The following SAMMSON variants were observed in gnomAD, a reference collection of about 807,000 sequenced individuals.
SAMMSON encodes the protein survival associated mitochondrial melanoma specific oncogenic non-coding RNA.
In SAMMSON at chr3:70,360,409, A is replaced by G. The variant is rs553047347; in HGVS notation, n.913+2085A>G. ...TAATTCTTTTGCAGTAAAAGCTGATAACTATACAAGTAAGTCACTTTTCCT... is the reference window on the plus strand; with the variant it reads ...TAATTCTTTTGCAGTAAAAGCTGATGACTATACAAGTAAGTCACTTTTCCT... On this transcript the variant is annotated intron_variant and non_coding_transcript_variant, in intron 9 of 9. Transcript: ENST00000642114. Among the ~76,000 whole-genome samples the G allele has an allele frequency of 2.2e-4, 34 of 152,282 alleles. 1 individual carries two copies. The South Asian group carries it at 6.6e-3, about 30-fold the overall frequency.
intron 4 of SAMMSON, among the ~76,000 whole-genome samples, chr3:70,086,363 G>T (rs2067285605): frequency 6.6e-6 from 1 of 152,070 alleles, no homozygotes; most frequent in African/African-American, 2.4e-5. Flanking sequence ...GACGAATTTG[G>T]GTATTTTCAA....
At chr3:69,999,667 A>T (rs1294675659), upstream of SAMMSON, 1 of 152,270 alleles carries the variant, frequency 6.6e-6, no homozygotes, top group Non-Finnish European at 1.5e-5. Context: ...TGTATTTTCC[A>T]AGCCTACCCT....
intron 3 of SAMMSON, among the ~76,000 whole-genome samples, chr3:70,051,524 C>T (rs1455334879): frequency 6.7e-6 from 1 of 150,270 alleles, no homozygotes; most frequent in Non-Finnish European, 1.5e-5. Flanking sequence ...AACATCCATA[C>T]AATGAAATAT....
chr3:70,232,098 T>C (rs1357366797), intron 4 of SAMMSON, among the ~76,000 whole-genome samples: 3 of 152,144 alleles, frequency 2.0e-5, no homozygotes, highest in African/African-American at 7.2e-5. Flanking sequence ...TTCCAAGTGC[T>C]GAGGCTGACA....
At chr3:70,290,123 G>A (rs1293370911) in intron 6 of SAMMSON, among the ~76,000 whole-genome samples, 1 of 152,046 alleles carries the variant, frequency 6.6e-6, no homozygotes, top group East Asian at 1.9e-4. Context: ...TCCTTTGTAG[G>A]AGGAGAGGCG....
rs2066908675 is a variant in SAMMSON at position 70,002,209 on chromosome 3, G to C, written n.22+2342G>C. Among the ~76,000 whole-genome samples, 4 of 152,156 alleles carry C rather than the reference G, an allele frequency of 2.6e-5. No individual in the cohort carries two copies. The South Asian group carries it at 8.3e-4, about 32-fold the overall frequency. On this transcript the variant is annotated intron_variant and non_coding_transcript_variant, in intron 1 of 9. Transcript: ENST00000642114. The stretch of plus-strand genomic sequence containing the variant: ...TGCATATCCACCTTTGGACAGATGT[G>C]TGAATGTGTTTTGTAGAAATACATT...
At chr3:70,064,706 C>T (rs941793869) in intron 3 of SAMMSON, among the ~76,000 whole-genome samples, 2 of 152,120 alleles carry the variant, frequency 1.3e-5, no homozygotes, top group African/African-American at 4.8e-5. Flanking sequence ...AGGCACAAAA[C>T]ATGCCAAGAA....
intron 6 of SAMMSON, among the ~76,000 whole-genome samples, chr3:70,250,689 A>G (rs1403203756): frequency 6.6e-6 from 1 of 152,172 alleles, no homozygotes; most frequent in African/African-American, 2.4e-5. Flanking sequence ...AACACTTCAA[A>G]TACTAATATC....
intron 4 of SAMMSON, among the ~76,000 whole-genome samples, chr3:70,247,569 G>A (rs1701719127): frequency 6.6e-6 from 1 of 151,644 alleles, no homozygotes; most frequent in Non-Finnish European, 1.5e-5. Context: ...ACATATCAAT[G>A]CCACAACTCA....
At chr3:70,018,257 C>G (rs2066995782) in intron 3 of SAMMSON, among the ~76,000 whole-genome samples, 1 of 152,160 alleles carries the variant, frequency 6.6e-6, no homozygotes, top group Non-Finnish European at 1.5e-5. Flanking sequence ...GCCTCAATTT[C>G]AGAGCCTGTT....
chr3:70,216,903 A>G (rs772904965), intron 4 of SAMMSON, among the ~76,000 whole-genome samples: 3 of 152,112 alleles, frequency 2.0e-5, no homozygotes, highest in African/African-American at 4.8e-5. Flanking sequence ...ACAACCTATT[A>G]TGCACAGGGA....
At chr3:70,260,719 C>A (rs1172478216) in intron 6 of SAMMSON, among the ~76,000 whole-genome samples, 2 of 152,114 alleles carry the variant, frequency 1.3e-5, no homozygotes, top group African/African-American at 2.4e-5. Flanking sequence ...TATAACTTAT[C>A]CCTCCCCTTT....
At chr3:70,002,443 T>A (rs1401049755) in intron 1 of SAMMSON, among the ~76,000 whole-genome samples, 1 of 152,154 alleles carries the variant, frequency 6.6e-6, no homozygotes, top group East Asian at 1.9e-4. Context: ...AATAGGAAAT[T>A]TAGAAAACTC....
chr3:70,026,584 C>T (rs1576101095), intron 3 of SAMMSON, among the ~76,000 whole-genome samples: 1 of 152,242 alleles, frequency 6.6e-6, no homozygotes, highest in East Asian at 1.9e-4. Context: ...ATTTTTTCCT[C>T]TGTCCACAAC....
intron 4 of SAMMSON, among the ~76,000 whole-genome samples, chr3:70,131,035 T>TA (rs1368444416): frequency 3.3e-5 from 5 of 152,214 alleles, no homozygotes; most frequent in Non-Finnish European, 7.3e-5. Context: ...AATAAGTATA[T>TA]AACCATTGTT....
chr3:70,122,099 A>G (rs960695247), intron 4 of SAMMSON, among the ~76,000 whole-genome samples: 1 of 152,200 alleles, frequency 6.6e-6, no homozygotes, highest in African/African-American at 2.4e-5. Context: ...AATAAGAGGT[A>G]AAAAGTATTA....
intron 7 of SAMMSON, among the ~76,000 whole-genome samples, chr3:70,352,247 A>C (rs1702799726): frequency 6.6e-6 from 1 of 152,250 alleles, no homozygotes; most frequent in Non-Finnish European, 1.5e-5. Flanking sequence ...GAAAGAAAAA[A>C]ATCTTGAAAG....
intron 4 of SAMMSON, among the ~76,000 whole-genome samples, chr3:70,123,213 G>A (rs73838062): frequency 0.043 from 6,603 of 152,224 alleles, 240 homozygotes; most frequent in East Asian, 0.19. Context: ...CTGGACTGGG[G>A]ACATACTTTG....
At chr3:70,296,790 C>CT (rs1702293255) in intron 7 of SAMMSON, among the ~76,000 whole-genome samples, 1 of 152,094 alleles carries the variant, frequency 6.6e-6, no homozygotes, top group South Asian at 2.1e-4. Flanking sequence ...TTCCAATCTG[C>CT]TTTTTCTACT....
Sources: allele counts gnomAD v4.1 joint callset (sites outside exome capture counted in the v4.1 genomes callset), GRCh38; gene constraint gnomAD v4.1.1; transcripts MANE v1.5; gene names NCBI Gene and HGNC (gene_info 2026-07-23, HGNC 2026-07-21).